CREB3L1: variants seen among roughly 807,000 people sequenced by gnomAD.
The protein encoded by CREB3L1 is cyclic AMP-responsive element-binding protein 3-like protein 1.
A neutral mutation model predicts 54.5 loss-of-function variants in CREB3L1; 33 were observed. That is an observed-to-expected ratio of 0.61 (90% CI 0.46 to 0.81). CREB3L1 has a LOEUF of 0.81. Among genes scored for constraint, CREB3L1 ranks in the 30% least tolerant of loss-of-function variants. The pLI is 0.00. For synonymous variants in CREB3L1, 284 were observed against 286.4 expected (o/e 0.99, Z 0.08); for missense variants, 656 against 673.3 (o/e 0.97, Z 0.29).
intron 1 of CREB3L1, among the ~76,000 whole-genome samples, chr11:46,288,222 C>G (rs1367957280): frequency 6.6e-6 from 1 of 152,026 alleles, no homozygotes; most frequent in Non-Finnish European, 1.5e-5. Flanking sequence ...GCTGGGATTA[C>G]AGGCATGCGC....
At chr11:46,315,562 T>G (rs1590352148) in intron 8 of CREB3L1, 1 of 192,772 alleles carries the variant, frequency 5.2e-6, no homozygotes. Context: ...CTGGGCACGG[T>G]GGCCCATGCC....
At chr11:46,290,196 G>A (rs561472650) in intron 1 of CREB3L1, among the ~76,000 whole-genome samples, 24 of 152,286 alleles carry the variant, frequency 1.6e-4, no homozygotes, top group African/African-American at 5.1e-4. Flanking sequence ...GGGACAGGCT[G>A]TTCCTCTTTG....
chr11:46,296,360 G>T (rs1411630562), intron 1 of CREB3L1, among the ~76,000 whole-genome samples: 1 of 152,082 alleles, frequency 6.6e-6, no homozygotes. Flanking sequence ...GGGCAGCCCT[G>T]GACTTCACCA....
chr11:46,311,205 T>TG lies in CREB3L1; in HGVS notation c.753+19dup. 1 of 1,545,532 alleles carries TG rather than the reference T, an allele frequency of 6.5e-7. No homozygotes were observed. Among genetic ancestry groups the TG allele is most frequent in the Non-Finnish European group, 8.7e-7 (1 of 1,151,078 alleles). On this transcript the variant is annotated intron_variant, in intron 5 of 11. Transcript: ENST00000621158. ...TGCCCCTCACGTAAGGAGCTGGGGG[T>TG]GGGCTGATCCCAGAAATGAGGAATT...
chr11:46,286,912 G>A (rs1270130231), intron 1 of CREB3L1, among the ~76,000 whole-genome samples: 1 of 152,260 alleles, frequency 6.6e-6, no homozygotes, highest in African/African-American at 2.4e-5. Flanking sequence ...ACAGAGGTGA[G>A]CTGTAGACCC....
chr11:46,300,559 A>T (rs557944247), intron 2 of CREB3L1, among the ~76,000 whole-genome samples: 2 of 152,332 alleles, frequency 1.3e-5, no homozygotes, highest in East Asian at 3.9e-4. Context: ...TAGAGGAGAC[A>T]GTGGGGGTAA....
At position 46,306,969 on chromosome 11, in the gene CREB3L1, G is replaced by A. The variant is rs144222074; in HGVS notation, c.332-847G>A. 3.0e-3 allele frequency among the ~76,000 whole-genome samples: 456 copies of A among 151,924 alleles called. 3 individuals carry two copies. Among genetic ancestry groups the A allele is most frequent in the African/African-American group, 0.01 (432 of 41,396 alleles). On this transcript the variant is annotated intron_variant, in intron 2 of 11. Transcript: ENST00000621158. ...GCCCACTGCAACCTCTGCCTCCCGG[G>A]TTCAAGTGATTCTCCTGCCTGCCTC...
intron 1 of CREB3L1, among the ~76,000 whole-genome samples, chr11:46,299,300 G>A (rs971723416): frequency 1.3e-5 from 2 of 152,062 alleles, no homozygotes; most frequent in African/African-American, 4.8e-5. Flanking sequence ...GTAGGGCTCC[G>A]GAGCCTAACC....
At chr11:46,318,906 A>T (rs1939605962) in intron 10 of CREB3L1, among the ~76,000 whole-genome samples, 1 of 151,824 alleles carries the variant, frequency 6.6e-6, no homozygotes, top group Admixed American at 6.6e-5. Flanking sequence ...GGGAAAGAGG[A>T]AGTAGAGACA....
At chr11:46,313,282 G>A (rs1262077079) in intron 8 of CREB3L1, among the ~76,000 whole-genome samples, 1 of 152,166 alleles carries the variant, frequency 6.6e-6, no homozygotes, top group East Asian at 1.9e-4. Context: ...GTTTTAATAA[G>A]CCCTCCACGT....
At chr11:46,302,888 G>A (rs1444937008) in intron 2 of CREB3L1, among the ~76,000 whole-genome samples, 1 of 152,170 alleles carries the variant, frequency 6.6e-6, no homozygotes, top group East Asian at 1.9e-4. Flanking sequence ...GGCTGAGGCA[G>A]GAGAACTGCT....
At chr11:46,311,496 G>A (rs1939484540) in intron 5 of CREB3L1, among the ~76,000 whole-genome samples, 1 of 151,390 alleles carries the variant, frequency 6.6e-6, no homozygotes. Flanking sequence ...ACCGTGTCTG[G>A]CTTTTTTTTG....
At chr11:46,287,358 G>C (rs1307380707) in intron 1 of CREB3L1, among the ~76,000 whole-genome samples, 2 of 151,958 alleles carry the variant, frequency 1.3e-5, no homozygotes, top group Non-Finnish European at 2.9e-5. Context: ...GAGTGTAGTG[G>C]CACAAACACA....
At chr11:46,306,655 C>T (rs1939401178) in intron 2 of CREB3L1, among the ~76,000 whole-genome samples, 1 of 152,176 alleles carries the variant, frequency 6.6e-6, no homozygotes, top group Non-Finnish European at 1.5e-5. Flanking sequence ...CTCCCCTTTG[C>T]ATTCCAACTA....
At chr11:46,305,558 C>A (rs1184364577) in intron 2 of CREB3L1, among the ~76,000 whole-genome samples, 1 of 150,658 alleles carries the variant, frequency 6.6e-6, no homozygotes, top group Admixed American at 6.7e-5. Context: ...CACACGAGGG[C>A]AGAGTGATCT....
Position 46,320,830 on chromosome 11 carries a change from C to T in CREB3L1, c.*84C>T, listed in dbSNP as rs1180066117. 2 of 1,412,294 alleles carry T rather than the reference C, an allele frequency of 1.4e-6. No individual in the cohort carries two copies. The highest frequency in any genetic ancestry group is 2.9e-5 in the African/African-American group (2 of 70,166). 87.5% of individuals were successfully genotyped at this position (1,412,294 alleles called of 1,614,324 possible). A position where few individuals can be genotyped will look rare whatever the true frequency, so the allele number is the denominator to read the frequency against. On this transcript the variant is annotated 3_prime_UTR_variant, in exon 12 of 12. Coordinates refer to ENST00000621158, the MANE Select transcript of CREB3L1 (RefSeq NM_052854.4). ...CTCACTAACCCGGATCCGCCTCGTG[C>T]CCCTGCCTCCTGGAGCTTCCCATTC...
chr11:46,311,336 G>A, intron 5 of CREB3L1, 147 bp downstream of exon 5: 1 of 1,144,806 alleles, frequency 8.7e-7, no homozygotes, highest in Non-Finnish European at 1.1e-6. Context: ...TGGCAGATGG[G>A]AGTTCTAATC....
In CREB3L1 at chr11:46,311,016, C is replaced by T; in HGVS notation, c.596-16C>T. On this transcript the variant is annotated splice_polypyrimidine_tract_variant and intron_variant, in intron 4 of 11. Transcript: ENST00000621158. ...ATGTGCAACGTTGCTAACTCGGTTT[C>T]CCCTGCTCTCCCCAGAGGACCTGGT... The T allele has an allele frequency of 1.3e-6, 2 of 1,566,686 alleles. No individual in the cohort carries two copies. Among genetic ancestry groups the T allele is most frequent in the South Asian group, 1.2e-5 (1 of 85,668 alleles).
chr11:46,302,326 A>G (rs1939315802), intron 2 of CREB3L1, among the ~76,000 whole-genome samples: 2 of 152,044 alleles, frequency 1.3e-5, no homozygotes, highest in African/African-American at 4.8e-5. Context: ...TGAAGGTAGC[A>G]TTCTCTAAAG....
Sources: allele counts gnomAD v4.1 joint callset (sites outside exome capture counted in the v4.1 genomes callset), GRCh38; gene constraint gnomAD v4.1.1; transcripts MANE v1.5; gene names NCBI Gene and HGNC (gene_info 2026-07-23, HGNC 2026-07-21).